The following ATP6V0D1 variants were observed in gnomAD, a reference collection of about 807,000 sequenced individuals.
The protein encoded by ATP6V0D1 is ATPase H+ transporting V0 subunit d1, also known as V-type proton ATPase subunit d 1.
Under a neutral mutation model 39.0 loss-of-function variants are expected in ATP6V0D1, and 13 were observed. The observed-to-expected ratio is 0.33, with a 90% confidence interval of 0.22 to 0.53. The LOEUF (loss-of-function observed/expected upper bound fraction) is 0.53, where lower values mean the gene tolerates loss of function less well. Among genes scored for constraint, ATP6V0D1 ranks in the 20% least tolerant of loss-of-function variants. ATP6V0D1 has a pLI of 0.94. For synonymous variants in ATP6V0D1, 191 were observed against 191.2 expected, an observed-to-expected ratio of 1.00 and a Z score of 0.01; for missense variants, 272 against 470.9, an observed-to-expected ratio of 0.58 and a Z score of 3.91.
chr16:67,443,263 C>A, intron 3 of ATP6V0D1, 85 bp from the exon 4 acceptor site: 1 of 1,416,394 alleles, frequency 7.1e-7, no homozygotes, highest in South Asian at 1.2e-5. Flanking sequence ...GCACAGAGTG[C>A]CCGTGCCACA....
intron 1 of ATP6V0D1, among the ~76,000 whole-genome samples, chr16:67,480,378 A>G (rs1206946880): frequency 6.6e-6 from 1 of 152,038 alleles, no homozygotes; most frequent in Admixed American, 6.6e-5. Flanking sequence ...CCAGACCTGC[A>G]AGGGCCACCC....
chr16:67,452,637 T>C (rs2041194613), intron 2 of ATP6V0D1, among the ~76,000 whole-genome samples: 1 of 152,232 alleles, frequency 6.6e-6, no homozygotes, highest in African/African-American at 2.4e-5. Context: ...TCCTAGACGC[T>C]AGCCGCTGAG....
intron 1 of ATP6V0D1, among the ~76,000 whole-genome samples, chr16:67,470,923 C>T (rs1311285882): frequency 2.6e-5 from 4 of 152,194 alleles, no homozygotes; most frequent in African/African-American, 2.4e-5. Flanking sequence ...CCTGGTCCTT[C>T]ATCCCCCCTC....
rs2041087057 is a variant in ATP6V0D1 at position 67,444,110 on chromosome 16, G to A, written c.481+418C>T. ...ACCTGCTCGGTGGAGGGAAGTGGCAGTGTTTGCTTCGCTCCTTGCCTCACA... is the reference window on the plus strand; with the variant it reads ...ACCTGCTCGGTGGAGGGAAGTGGCAATGTTTGCTTCGCTCCTTGCCTCACA... On this transcript the variant is annotated intron_variant, in intron 3 of 7. Coordinates refer to ENST00000290949, the MANE Select transcript of ATP6V0D1 (RefSeq NM_004691.5). This position sits in a 1 kb window ranked among gnomAD's most constrained non-coding sequence, Gnocchi z 4.8. Among the ~76,000 whole-genome samples, 1 of 152,222 alleles carries A rather than the reference G, an allele frequency of 6.6e-6. No homozygotes were observed. The highest frequency in any genetic ancestry group is 2.4e-5 in the African/African-American group (1 of 41,458).
At position 67,459,287 on chromosome 16, in the gene ATP6V0D1, A is replaced by G. The variant is rs76713515; in HGVS notation, c.131-5572T>C. ...TGGGAAGACACACCCCCAGCCTGGAAAGTGAGAGTCCCTGCCCTCCCACCT... is the reference window on the plus strand; with the variant it reads ...TGGGAAGACACACCCCCAGCCTGGAGAGTGAGAGTCCCTGCCCTCCCACCT... On this transcript the variant is annotated intron_variant, in intron 1 of 7. Transcript: ENST00000290949. The G allele has an allele frequency of 6.0e-3, 5,863 of 984,688 alleles. 213 individuals are homozygous for G. In the South Asian group the frequency reaches 0.067, roughly 11 times the overall value. 61.0% of individuals were successfully genotyped at this position (984,688 alleles called of 1,614,324 possible).
intron 4 of ATP6V0D1, among the ~76,000 whole-genome samples, chr16:67,442,017 C>A (rs2041058729): frequency 6.6e-6 from 1 of 152,266 alleles, no homozygotes; most frequent in Admixed American, 6.5e-5. Flanking sequence ...CTAGACTTCT[C>A]CCCTGTCCAT....
At chr16:67,443,293 T>C (rs1331889030) in intron 3 of ATP6V0D1, 115 bp from the exon 4 acceptor site, 3 of 1,038,728 alleles carry the variant, frequency 2.9e-6, no homozygotes, top group Admixed American at 2.0e-5. Context: ...GGGCTGGGTA[T>C]TGAGGGGTCC....
chr16:67,476,703 C>G (rs368207427), intron 1 of ATP6V0D1, among the ~76,000 whole-genome samples: 9 of 152,160 alleles, frequency 5.9e-5, no homozygotes, highest in African/African-American at 1.9e-4. Flanking sequence ...TCCTTACATC[C>G]TAAAAAGAGA....
intron 2 of ATP6V0D1, chr16:67,445,753 C>G (rs1300736026): frequency 2.7e-6 from 1 of 372,002 alleles, no homozygotes; most frequent in East Asian, 7.4e-5. Context: ...TGGCAAGGGA[C>G]AAGGCTCTGC....
rs1476202803 is a variant in ATP6V0D1, at chr16:67,453,401, C to T, written c.302+143G>A. ...GGACTCTGAAGGTAGGGTCCTGGGA[C>T]ACCTGGCCTGACAGAGCTGCCATCA... On this transcript the variant is annotated intron_variant, in intron 2 of 7. Transcript: ENST00000290949. The surrounding 1 kb of genome is among the most constrained non-coding windows in gnomAD (Gnocchi z 4.1). The T allele has an allele frequency of 4.1e-6, 4 of 972,682 alleles. No homozygotes were observed. Among genetic ancestry groups the T allele is most frequent in the African/African-American group, 3.3e-5 (2 of 61,162 alleles). The allele number at this position is 972,682 out of a possible 1,614,324, so 60.3% of individuals were successfully genotyped here.
intron 1 of ATP6V0D1, among the ~76,000 whole-genome samples, chr16:67,469,904 G>T (rs35430428): frequency 6.6e-6 from 1 of 152,090 alleles, no homozygotes; most frequent in Non-Finnish European, 1.5e-5. Flanking sequence ...ACAACTTGGC[G>T]CCTATGCTTC....
At position 67,453,233 on chromosome 16, in the gene ATP6V0D1, G is replaced by A. The variant is rs1349001383; in HGVS notation, c.302+311C>T. On this transcript the variant is annotated intron_variant, in intron 2 of 7. Transcript: ENST00000290949. The surrounding 1 kb of genome is among the most constrained non-coding windows in gnomAD (Gnocchi z 4.1). ...GCCCCAGTCTATGTGACTGGGGGAAGAGGCTTCATCCAGCACTACTGCGTG... is the reference window on the plus strand; with the variant it reads ...GCCCCAGTCTATGTGACTGGGGGAAAAGGCTTCATCCAGCACTACTGCGTG... Among the ~76,000 whole-genome samples, 1 of 152,188 alleles carries A rather than the reference G, an allele frequency of 6.6e-6. No homozygotes were observed. Among genetic ancestry groups the A allele is most frequent in the African/African-American group, 2.4e-5 (1 of 41,440 alleles).
intron 4 of ATP6V0D1, chr16:67,439,801 C>T (rs2041027041): frequency 5.1e-6 from 1 of 195,760 alleles, no homozygotes; most frequent in Non-Finnish European, 1.1e-5. Context: ...GCAGGTGGAT[C>T]ACGAGGTCAG....
chr16:67,442,175 G>T (rs2041060269), intron 4 of ATP6V0D1, among the ~76,000 whole-genome samples: 1 of 152,274 alleles, frequency 6.6e-6, no homozygotes, highest in Admixed American at 6.5e-5. Context: ...CTCTGGCCCA[G>T]GCCCCTGCAG....
chr16:67,481,021 G>A lies in ATP6V0D1; in HGVS notation c.66C>T (p.Gly22=), dbSNP rs1269057228. Residue 22 remains glycine, a synonymous_variant, in exon 1 of 8, where the codon GGC becomes GGT. Transcript: ENST00000290949. Reference sequence around the variant, plus strand: ...CCTGGCTGAGCACCCCGGCCTTCAGGCCGCGCACCAGTCCCTCCAAGTAGC... The same window carrying A: ...CCTGGCTGAGCACCCCGGCCTTCAGACCGCGCACCAGTCCCTCCAAGTAGC... ...DNGYLEGLVR[G]LKAGVLSQAD... 1.9e-6 allele frequency: 3 copies of A among 1,614,182 alleles called. No individual in the cohort carries two copies. The highest frequency in any genetic ancestry group is 2.2e-5 in the East Asian group (1 of 44,880).
chr16:67,472,738 C>T (rs928029677), intron 1 of ATP6V0D1, among the ~76,000 whole-genome samples: 2 of 151,954 alleles, frequency 1.3e-5, no homozygotes, highest in Admixed American at 6.6e-5. Context: ...GGCGTGGTGG[C>T]GGGTGCCTGT....
chr16:67,473,836 T>C (rs1195083242), intron 1 of ATP6V0D1, among the ~76,000 whole-genome samples: 1 of 152,180 alleles, frequency 6.6e-6, no homozygotes, highest in African/African-American at 2.4e-5. Context: ...TTTTTGTATT[T>C]TTAGTAGAGA....
chr16:67,475,495 A>G (rs556252475), intron 1 of ATP6V0D1, among the ~76,000 whole-genome samples: 2 of 152,298 alleles, frequency 1.3e-5, no homozygotes, highest in South Asian at 2.1e-4. Flanking sequence ...ATGGCCTCCA[A>G]CGATCTAACT....
At chr16:67,480,872 C>A (rs1390638923) in intron 1 of ATP6V0D1, 85 bp downstream of exon 1, 41 of 1,550,180 alleles carry the variant, frequency 2.6e-5, no homozygotes, top group Non-Finnish European at 2.9e-5. Context: ...CCTTCAAGAC[C>A]CCCCCTTCCG....
Sources: gnomAD v4.1 joint callset for allele counts (sites outside exome capture counted in the v4.1 genomes callset) on GRCh38, gnomAD v4.1.1 for gene constraint, Gnocchi (gnomAD v3.1) non-coding constraint, MANE v1.5 for transcripts, NCBI Gene and HGNC (gene_info 2026-07-23, HGNC 2026-07-21) for gene names.